The following B3GALT1 variants were observed in gnomAD, a reference collection of about 807,000 sequenced individuals.
The protein encoded by B3GALT1 is beta-1,3-galactosyltransferase 1.
In B3GALT1, 10 loss-of-function variants were observed where a neutral mutation model predicts 23.2. The observed-to-expected ratio is 0.43, with a 90% CI of 0.27 to 0.73. The LOEUF is 0.73. Ranked by LOEUF, B3GALT1 falls within the 30% of genes least tolerant of loss-of-function variation. The pLI is 0.21. For missense variants in B3GALT1, 299 were observed against 405.4 expected (o/e 0.74, Z 2.25); for synonymous variants, 156 against 141.5 (o/e 1.10, Z -0.73).
At chr2:167,777,509 G>C (rs182732386) in intron 3 of B3GALT1, among the ~76,000 whole-genome samples, 2,668 of 152,140 alleles carry the variant, frequency 0.018, 39 homozygotes, top group South Asian at 0.068. Context: ...ACCACGCCCA[G>C]CTAATTTTTT....
intron 1 of B3GALT1, among the ~76,000 whole-genome samples, chr2:167,321,952 A>G (rs989872301): frequency 2.6e-5 from 4 of 152,066 alleles, no homozygotes; most frequent in Admixed American, 6.5e-5. Flanking sequence ...GGAATGAACT[A>G]TCTCTTACAA....
intron 1 of B3GALT1, 106 bp downstream of exon 1, chr2:167,293,440 G>A (rs960724280): frequency 1.3e-5 from 2 of 152,340 alleles, no homozygotes; most frequent in African/African-American, 4.8e-5. Context: ...AAGGTGTTGG[G>A]ACCCGGACTG....
chr2:167,516,552 C>T (rs1700101668), intron 2 of B3GALT1, among the ~76,000 whole-genome samples: 1 of 151,944 alleles, frequency 6.6e-6, no homozygotes, highest in African/African-American at 2.4e-5. Context: ...GTCACTTAAA[C>T]TCTATAGGCC....
intron 1 of B3GALT1, among the ~76,000 whole-genome samples, chr2:167,380,133 T>C (rs758171319): frequency 3.3e-5 from 5 of 152,036 alleles, no homozygotes; most frequent in African/African-American, 4.8e-5. Context: ...CTCTGAATGC[T>C]TGTAGATCGG....
chr2:167,509,823 G>A (rs959039897), intron 2 of B3GALT1, among the ~76,000 whole-genome samples: 2 of 152,102 alleles, frequency 1.3e-5, no homozygotes, highest in Non-Finnish European at 2.9e-5. Context: ...GAGATGGGAA[G>A]CATTTGGAAG....
chr2:167,729,578 G>A (rs778148248), intron 3 of B3GALT1, among the ~76,000 whole-genome samples: 1 of 152,064 alleles, frequency 6.6e-6, no homozygotes, highest in African/African-American at 2.4e-5. Flanking sequence ...TGTCAATTCT[G>A]TGTATTTCTT....
intron 3 of B3GALT1, among the ~76,000 whole-genome samples, chr2:167,781,448 C>T (rs533113353): frequency 1.1e-4 from 17 of 152,232 alleles, no homozygotes; most frequent in South Asian, 8.3e-4. Flanking sequence ...TAAAGGCTGC[C>T]GGATGGGTGC....
At chr2:167,317,290 T>G (rs2105490331) in intron 1 of B3GALT1, among the ~76,000 whole-genome samples, 1 of 152,050 alleles carries the variant, frequency 6.6e-6, no homozygotes, top group South Asian at 2.1e-4. Context: ...GGCATTTGAG[T>G]AGACAAAGGA....
chr2:167,331,591 A>G (rs1696973413), intron 1 of B3GALT1, among the ~76,000 whole-genome samples: 1 of 152,136 alleles, frequency 6.6e-6, no homozygotes, highest in South Asian at 2.1e-4. Context: ...CTCAGACCCC[A>G]GGAGGCATGC....
chr2:167,500,073 C>T (rs559572526), intron 2 of B3GALT1, among the ~76,000 whole-genome samples: 2 of 152,024 alleles, frequency 1.3e-5, no homozygotes, highest in Non-Finnish European at 2.9e-5. Context: ...ATTTCACCTT[C>T]TTGGTTCTGA....
At chr2:167,598,595 A>G (rs1684823391) in intron 2 of B3GALT1, among the ~76,000 whole-genome samples, 1 of 152,222 alleles carries the variant, frequency 6.6e-6, no homozygotes, top group Non-Finnish European at 1.5e-5. Context: ...AGGCTCAAGT[A>G]TAATTAACTT....
intron 1 of B3GALT1, among the ~76,000 whole-genome samples, chr2:167,343,618 A>C (rs1010444820): frequency 5.3e-5 from 8 of 152,160 alleles, no homozygotes; most frequent in African/African-American, 1.9e-4. Flanking sequence ...TAACCTGTGT[A>C]GGCTGATATC....
intron 1 of B3GALT1, among the ~76,000 whole-genome samples, chr2:167,384,962 T>G (rs1697905010): frequency 6.6e-6 from 1 of 152,062 alleles, no homozygotes; most frequent in Non-Finnish European, 1.5e-5. Flanking sequence ...AGCAGTGTCC[T>G]CAGTCTCCTC....
chr2:167,836,868 A>G (rs1689491486), intron 4 of B3GALT1, among the ~76,000 whole-genome samples: 2 of 152,230 alleles, frequency 1.3e-5, no homozygotes, highest in African/African-American at 4.8e-5. Context: ...GTGGGGGCCA[A>G]TATTCAACAT....
intron 2 of B3GALT1, among the ~76,000 whole-genome samples, chr2:167,595,170 G>A (rs1354283580): frequency 6.6e-6 from 1 of 152,116 alleles, no homozygotes; most frequent in Non-Finnish European, 1.5e-5. Flanking sequence ...AGGGACATTA[G>A]GATGGGTGCT....
At chr2:167,533,822 G>T (rs1159522675) in intron 2 of B3GALT1, among the ~76,000 whole-genome samples, 3 of 152,018 alleles carry the variant, frequency 2.0e-5, no homozygotes, top group African/African-American at 7.2e-5. Context: ...CCTTTAAAAG[G>T]TCTGGTAGTG....
intron 2 of B3GALT1, among the ~76,000 whole-genome samples, chr2:167,532,239 A>G (rs1558895136): frequency 6.6e-6 from 1 of 152,170 alleles, no homozygotes; most frequent in Non-Finnish European, 1.5e-5. Context: ...AATCAGGACA[A>G]AACAATCAGG....
intron 2 of B3GALT1, among the ~76,000 whole-genome samples, chr2:167,577,381 A>G (rs1294119825): frequency 6.6e-6 from 1 of 151,904 alleles, no homozygotes; most frequent in African/African-American, 2.4e-5. Context: ...GTGCCCCTCA[A>G]GGTATTCATT....
At chr2:167,723,567 T>G (rs1423962094) in intron 3 of B3GALT1, among the ~76,000 whole-genome samples, 1 of 151,998 alleles carries the variant, frequency 6.6e-6, no homozygotes, top group Non-Finnish European at 1.5e-5. Context: ...CTCACTCTGT[T>G]GCCCCCAGGC....
Sources: gnomAD v4.1 joint callset for allele counts (sites outside exome capture counted in the v4.1 genomes callset) on GRCh38, gnomAD v4.1.1 for gene constraint, MANE v1.5 for transcripts, NCBI Gene and HGNC (gene_info 2026-07-23, HGNC 2026-07-21) for gene names.